TANC2: variants seen among roughly 807,000 people sequenced by gnomAD.
The protein encoded by TANC2 is tetratricopeptide repeat, ankyrin repeat and coiled-coil containing 2.
TANC2 carries 26 observed loss-of-function variants against 210.5 expected under a neutral mutation model. The ratio of observed to expected loss-of-function variants is 0.12; its 90% CI spans 0.09 to 0.17. The LOEUF (loss-of-function observed/expected upper bound fraction) is 0.17, where lower values mean the gene tolerates loss of function less well. TANC2 is among the 10% of genes least tolerant of loss of function. The pLI is 1.00. For synonymous variants in TANC2, 931 were observed against 967.1 expected (o/e 0.96, Z 0.69); for missense variants, 2,129 against 2,608.9 (o/e 0.82, Z 4.01).
rs568226580 is a variant in TANC2 at position 63,302,599 on chromosome 17, C to CTT, written c.1160-11762_1160-11761dup. Among the ~76,000 whole-genome samples, 71 of 22,752 alleles carry CTT rather than the reference C, an allele frequency of 3.1e-3. 7 individuals are homozygous for CTT. The highest frequency in any genetic ancestry group is 0.024 in the Middle Eastern group (1 of 42). 14.9% of individuals were successfully genotyped at this position (22,752 alleles called of 152,430 possible). On this transcript the variant is annotated intron_variant, in intron 9 of 27. Transcript: ENST00000689528. ...TCAAAGACTAGGATTGCAACCCCTGCTTTTTTTTTTTTTTTTTTTTTTTTT... is the reference window on the plus strand; with the variant it reads ...TCAAAGACTAGGATTGCAACCCCTGCTTTTTTTTTTTTTTTTTTTTTTTTTTT...
intron 14 of TANC2, among the ~76,000 whole-genome samples, chr17:63,359,453 C>T (rs2046891387): frequency 1.3e-5 from 2 of 151,920 alleles, no homozygotes; most frequent in South Asian, 2.1e-4. Flanking sequence ...AAGCAATTCT[C>T]CTGCCTCAGC....
intron 14 of TANC2, among the ~76,000 whole-genome samples, chr17:63,359,087 A>G (rs906737585): frequency 8.6e-5 from 13 of 151,536 alleles, no homozygotes; most frequent in African/African-American, 3.2e-4. Context: ...TTTTTAATAC[A>G]GTATCTCACT....
At chr17:63,337,900 A>G (rs926893951) in intron 11 of TANC2, among the ~76,000 whole-genome samples, 1 of 152,156 alleles carries the variant, frequency 6.6e-6, no homozygotes, top group Non-Finnish European at 1.5e-5. Context: ...TTAGTTTGCT[A>G]AAGATAGTGG....
At chr17:63,211,859 C>T (rs2041896130) in intron 7 of TANC2, among the ~76,000 whole-genome samples, 1 of 152,118 alleles carries the variant, frequency 6.6e-6, no homozygotes, top group African/African-American at 2.4e-5. Flanking sequence ...AAAGGCTCAC[C>T]TGGCATTTTG....
chr17:63,107,037 A>G (rs1203085492), intron 4 of TANC2, among the ~76,000 whole-genome samples: 4 of 151,708 alleles, frequency 2.6e-5, no homozygotes, highest in South Asian at 2.1e-4. Flanking sequence ...GAGAGCCAAA[A>G]TAACAAGTCA....
chr17:63,236,391 A>T (rs1240398090), intron 7 of TANC2, among the ~76,000 whole-genome samples: 1 of 152,138 alleles, frequency 6.6e-6, no homozygotes, highest in Non-Finnish European at 1.5e-5. Context: ...AAGTGAAATG[A>T]TCATCAGTAA....
At chr17:63,259,641 A>C (rs898527171) in intron 8 of TANC2, among the ~76,000 whole-genome samples, 2 of 152,192 alleles carry the variant, frequency 1.3e-5, no homozygotes, top group African/African-American at 4.8e-5. Flanking sequence ...AAACATGTCA[A>C]ACCATTTTAA....
chr17:63,349,472 A>G (rs2046527023), intron 12 of TANC2, among the ~76,000 whole-genome samples: 1 of 152,204 alleles, frequency 6.6e-6, no homozygotes, highest in South Asian at 2.1e-4. Context: ...AGGAGATATA[A>G]TTGAAGGGCG....
intron 4 of TANC2, among the ~76,000 whole-genome samples, chr17:63,101,765 C>G (rs938286413): frequency 2.6e-5 from 4 of 152,106 alleles, no homozygotes; most frequent in African/African-American, 9.7e-5. Flanking sequence ...GGGATAGAAA[C>G]TGGGGTTGAG....
intron 2 of TANC2, among the ~76,000 whole-genome samples, chr17:63,020,358 C>G (rs1345100412): frequency 6.6e-6 from 1 of 151,344 alleles, no homozygotes. Flanking sequence ...GTCTGGAGTT[C>G]AGTGGTGTCA....
intron 4 of TANC2, among the ~76,000 whole-genome samples, chr17:63,144,295 G>A (rs1204972192): frequency 6.6e-6 from 1 of 152,108 alleles, no homozygotes. Context: ...ATAGGGATAG[G>A]AAAGGTTCAT....
chr17:63,323,635 G>A (rs1416203284), intron 11 of TANC2, among the ~76,000 whole-genome samples: 7 of 152,160 alleles, frequency 4.6e-5, no homozygotes, highest in Non-Finnish European at 7.3e-5. Flanking sequence ...AAGGCTTAAT[G>A]TGTGTTATGG....
exon 2 of TANC2, chr17:63,009,541 G>A (rs1411550195): frequency 1.9e-6 from 3 of 1,608,404 alleles, no homozygotes; most frequent in Non-Finnish European, 2.6e-6. Context: ...TTACAGTTTT[G>A]CAGTAGAAGA....
intron 14 of TANC2, among the ~76,000 whole-genome samples, chr17:63,369,243 C>G (rs2047194914): frequency 6.6e-6 from 1 of 152,094 alleles, no homozygotes; most frequent in Non-Finnish European, 1.5e-5. Context: ...ACACAAAGAC[C>G]CCTGGTAACA....
chr17:63,395,955 T>C, intron 18 of TANC2, 27 bp downstream of exon 18: 1 of 1,577,350 alleles, frequency 6.3e-7, no homozygotes, highest in South Asian at 1.2e-5. Flanking sequence ...AGGATTGTTT[T>C]TTCAAGCTCT....
At chr17:63,384,115 G>C (rs1181985430) in intron 15 of TANC2, among the ~76,000 whole-genome samples, 3 of 151,886 alleles carry the variant, frequency 2.0e-5, no homozygotes, top group African/African-American at 7.3e-5. Context: ...CTTCACCCCG[G>C]CTGGAGTATA....
intron 14 of TANC2, among the ~76,000 whole-genome samples, chr17:63,377,118 C>T (rs1023349377): frequency 6.6e-6 from 1 of 152,192 alleles, no homozygotes; most frequent in Admixed American, 6.5e-5. Context: ...AGCAGCAAGG[C>T]CCTGGGCCCA....
At chr17:63,136,186 A>G (rs1416416075) in intron 4 of TANC2, among the ~76,000 whole-genome samples, 2 of 152,170 alleles carry the variant, frequency 1.3e-5, no homozygotes, top group Non-Finnish European at 2.9e-5. Context: ...TCAAAATCCC[A>G]TTGAAGTAAT....
chr17:63,072,051 G>C (rs995088797), intron 2 of TANC2, among the ~76,000 whole-genome samples: 1 of 152,130 alleles, frequency 6.6e-6, no homozygotes, highest in African/African-American at 2.4e-5. Flanking sequence ...AAAATACCTG[G>C]CAGAGAGTAC....
Sources: gnomAD v4.1 joint callset for allele counts (sites outside exome capture counted in the v4.1 genomes callset) on GRCh38, gnomAD v4.1.1 for gene constraint, MANE v1.5 for transcripts, NCBI Gene and HGNC (gene_info 2026-07-23, HGNC 2026-07-21) for gene names.